Variants in RPA3 observed in about 807,000 individuals in gnomAD.
RPA3 encodes replication protein A3, also known as replication protein A 14 kDa subunit.
In RPA3, 24 loss-of-function variants were observed where a neutral mutation model predicts 13.7. The observed-to-expected ratio is 1.75, with a 90% CI of 1.27 to 2.46. The LOEUF is 2.46. Among genes scored for constraint, RPA3 ranks in the 30% most tolerant of loss-of-function variants. The pLI, the probability that RPA3 is intolerant of heterozygous loss-of-function variation, is 0.00. For synonymous variants in RPA3, 59 were observed against 51.2 expected (o/e 1.15, Z -0.65); for missense variants, 183 against 151.0 (o/e 1.21, Z -1.11).
At chr7:7,695,437 T>C (rs566940834) in intron 2 of RPA3, among the ~76,000 whole-genome samples, 1 of 151,616 alleles carries the variant, frequency 6.6e-6, no homozygotes, top group East Asian at 1.9e-4. Flanking sequence ...CATAATACGT[T>C]GATTTTTTTT....
At chr7:7,646,480 ATTTTT>A (rs35948027) in intron 4 of RPA3, among the ~76,000 whole-genome samples, 3,036 of 111,296 alleles carry the variant, frequency 0.027, 74 homozygotes, top group African/African-American at 0.077. Flanking sequence ...CTTTCGCTGG[ATTTTT>A]TTTTTTTTTT....
chr7:7,673,549 A>G (rs1232822416), intron 4 of RPA3: 1 of 642,592 alleles, frequency 1.6e-6, no homozygotes, highest in African/African-American at 1.8e-5. Flanking sequence ...TATTTCTTAT[A>G]ATTTCAGAAT....
At chr7:7,702,385 C>T (rs1032114988) in intron 2 of RPA3, among the ~76,000 whole-genome samples, 3 of 152,014 alleles carry the variant, frequency 2.0e-5, no homozygotes, top group Non-Finnish European at 4.4e-5. Flanking sequence ...TTTATTATCT[C>T]TTATTTTTTA....
At chr7:7,691,078 C>G (rs749085520) in intron 2 of RPA3, among the ~76,000 whole-genome samples, 2 of 152,156 alleles carry the variant, frequency 1.3e-5, no homozygotes, top group Non-Finnish European at 1.5e-5. Context: ...GTGACCCTTC[C>G]TGGAACTGAG....
At chr7:7,668,129 G>T (rs1388623325) in intron 4 of RPA3, among the ~76,000 whole-genome samples, 2 of 151,886 alleles carry the variant, frequency 1.3e-5, no homozygotes, top group African/African-American at 4.8e-5. Flanking sequence ...GCCCAGGCTG[G>T]TCTCAACTCT....
chr7:7,655,040 G>T (rs1378245696), intron 4 of RPA3, among the ~76,000 whole-genome samples: 1 of 152,080 alleles, frequency 6.6e-6, no homozygotes, highest in Non-Finnish European at 1.5e-5. Flanking sequence ...AGTAATTCTG[G>T]ATTATGTAAT....
chr7:7,650,574 C>T (rs905472491), intron 4 of RPA3, among the ~76,000 whole-genome samples: 1 of 152,198 alleles, frequency 6.6e-6, no homozygotes, highest in Admixed American at 6.5e-5. Context: ...GTACCTAATG[C>T]CACTAAACCG....
intron 4 of RPA3, chr7:7,673,356 AGCAGCAGCAG>A (rs1779657566): frequency 7.8e-7 from 1 of 1,287,692 alleles, no homozygotes; most frequent in Non-Finnish European, 1.1e-6. Flanking sequence ...CAGCAGCAGC[AGCAGCAGCAG>A]CAGCAATGTT....
At chr7:7,699,046 GT>G (rs1327860429) in intron 2 of RPA3, among the ~76,000 whole-genome samples, 18 of 123,124 alleles carry the variant, frequency 1.5e-4, no homozygotes, top group African/African-American at 5.3e-4. Context: ...GTGTGTGTGT[GT>G]GTGGGGGGGG....
At chr7:7,691,022 A>G (rs552613712) in intron 2 of RPA3, among the ~76,000 whole-genome samples, 12 of 152,222 alleles carry the variant, frequency 7.9e-5, no homozygotes, top group Non-Finnish European at 1.3e-4. Context: ...TGAAGCATGT[A>G]GAGCTCAGCA....
intron 2 of RPA3, among the ~76,000 whole-genome samples, chr7:7,693,295 T>TTATCTATCTGTC (rs1780220613): frequency 6.7e-6 from 1 of 148,886 alleles, no homozygotes; most frequent in Non-Finnish European, 1.5e-5. Context: ...TAAAATATCT[T>TTATCTATCTGTC]TATCTATCTA....
chr7:7,711,655 G>C (rs942968779), intron 2 of RPA3, among the ~76,000 whole-genome samples: 8 of 152,054 alleles, frequency 5.3e-5, no homozygotes, highest in East Asian at 1.9e-4. Context: ...TTTTTGCTCA[G>C]TAAAATCACT....
At chr7:7,659,400 G>T (rs1785420749) in intron 4 of RPA3, among the ~76,000 whole-genome samples, 1 of 152,076 alleles carries the variant, frequency 6.6e-6, no homozygotes, top group East Asian at 1.9e-4. Flanking sequence ...TGACGTTAGG[G>T]TGTCGATTTT....
intron 4 of RPA3, among the ~76,000 whole-genome samples, chr7:7,674,400 C>T (rs528437728): frequency 6.6e-6 from 1 of 152,252 alleles, no homozygotes; most frequent in African/African-American, 2.4e-5. Flanking sequence ...TCTGTGAGAC[C>T]AGAATAGAGT....
intron 2 of RPA3, among the ~76,000 whole-genome samples, chr7:7,701,009 T>A (rs1780448338): frequency 6.6e-6 from 1 of 152,176 alleles, no homozygotes; most frequent in Admixed American, 6.5e-5. Flanking sequence ...ATGATCACGG[T>A]ACTACACTCC....
rs575001385 is a variant in RPA3 at position 7,638,128 on chromosome 7, A to C, written c.175-156T>G. The C allele has an allele frequency of 2.8e-5, 14 of 500,268 alleles. No individual in the cohort carries two copies. The East Asian group carries it at 4.2e-4, about 15-fold the overall frequency. 31.0% of individuals were successfully genotyped at this position (500,268 alleles called of 1,614,324 possible). A position where few individuals can be genotyped will look rare whatever the true frequency, so the allele number is the denominator to read the frequency against. ...AAAGTTAAAATGTAACTTGTTAACA[A>C]ATGTTTGAGTACTTAACTGTCAGCA... On this transcript the variant is annotated intron_variant, in intron 6 of 7. Coordinates refer to ENST00000223129, the MANE Select transcript of RPA3 (RefSeq NM_002947.5).
Position 7,637,218 on chromosome 7 carries a change from T to C in RPA3, c.284-136A>G, listed in dbSNP as rs558159182. 17 of 661,560 alleles carry C rather than the reference T, an allele frequency of 2.6e-5. No homozygotes were observed. The South Asian group carries it at 2.8e-4, about 11-fold the overall frequency. 41.0% of individuals were successfully genotyped at this position (661,560 alleles called of 1,614,324 possible). On this transcript the variant is annotated intron_variant, in intron 7 of 7. Coordinates refer to ENST00000223129, the MANE Select transcript of RPA3 (RefSeq NM_002947.5). Reference sequence around the variant, plus strand: ...TTTCTAAAAATGGAGATATGGATTATGGATTCTTGTATTTAACTGTGGCAC... The same window carrying C: ...TTTCTAAAAATGGAGATATGGATTACGGATTCTTGTATTTAACTGTGGCAC...
chr7:7,686,619 C>G (rs921202208), intron 3 of RPA3, among the ~76,000 whole-genome samples: 1 of 152,166 alleles, frequency 6.6e-6, no homozygotes, highest in Non-Finnish European at 1.5e-5. Flanking sequence ...AATTAATAAA[C>G]TTTCCAGAAC....
chr7:7,643,012 TA>T (rs1419382058), intron 4 of RPA3, among the ~76,000 whole-genome samples: 1 of 152,182 alleles, frequency 6.6e-6, no homozygotes, highest in African/African-American at 2.4e-5. Flanking sequence ...ACGTAGATCA[TA>T]TTTTTTTTTC....
Sources: allele counts gnomAD v4.1 joint callset (sites outside exome capture counted in the v4.1 genomes callset), GRCh38; gene constraint gnomAD v4.1.1; transcripts MANE v1.5; gene names NCBI Gene and HGNC (gene_info 2026-07-23, HGNC 2026-07-21).